PRKAB1: variants seen among roughly 807,000 people sequenced by gnomAD.
PRKAB1 encodes 5'-AMP-activated protein kinase subunit beta-1.
PRKAB1 carries 18 observed loss-of-function variants against 32.0 expected under a neutral mutation model. The observed-to-expected ratio is 0.56, with a 90% CI of 0.39 to 0.83. The LOEUF (loss-of-function observed/expected upper bound fraction) is 0.83, where lower values mean the gene tolerates loss of function less well. PRKAB1 is among the 40% of genes least tolerant of loss of function. PRKAB1 has a pLI of 0.00. For synonymous variants in PRKAB1, 141 were observed against 141.4 expected (o/e 1.00, Z 0.02); for missense variants, 263 against 352.6 (o/e 0.75, Z 2.03).
At chr12:119,668,457 A>G in intron 1 of PRKAB1, 54 bp downstream of exon 1, 3 of 1,583,150 alleles carry the variant, frequency 1.9e-6, no homozygotes, top group Non-Finnish European at 2.6e-6. Context: ...GAGGAGAGGA[A>G]CCCTCCACTA....
upstream of PRKAB1, chr12:119,668,014 C>A: frequency 1.9e-6 from 1 of 525,880 alleles, no homozygotes; most frequent in East Asian, 3.5e-5. Context: ...TCTTCGCGCC[C>A]CTTGCGTTCT....
intron 4 of PRKAB1, 99 bp from the exon 5 acceptor site, chr12:119,676,438 G>T (rs1167088703): frequency 2.1e-5 from 29 of 1,367,340 alleles, no homozygotes; most frequent in Non-Finnish European, 2.8e-5. Flanking sequence ...TGCATTGAGG[G>T]AACAAGAGAC....
chr12:119,669,993 G>A (rs1305342726), intron 1 of PRKAB1: 4 of 152,236 alleles, frequency 2.6e-5, no homozygotes, highest in Non-Finnish European at 5.9e-5. Context: ...CTCTAGTGTT[G>A]TTTAAATATG....
chr12:119,674,498 C>A lies in PRKAB1; in HGVS notation c.532+44C>A. 3 of 1,404,216 alleles carry A rather than the reference C, an allele frequency of 2.1e-6. No homozygotes were observed. Among genetic ancestry groups the A allele is most frequent in the East Asian group, 2.3e-5 (1 of 43,794 alleles). The allele number at this position is 1,404,216 out of a possible 1,614,324, so 87.0% of individuals were successfully genotyped here. On this transcript the variant is annotated intron_variant, in intron 4 of 6. Coordinates refer to ENST00000229328, the MANE Select transcript of PRKAB1 (RefSeq NM_006253.5). The surrounding 1 kb of genome is among the most constrained non-coding windows in gnomAD (Gnocchi z 4.3). The stretch of plus-strand genomic sequence containing the variant: ...TATACCACATGCGTGCAGGTGGGGG[C>A]TGTACAGTCTAGACATACTCTTGTT...
At chr12:119,672,247 G>A in intron 1 of PRKAB1, 54 bp from the exon 2 acceptor site, 2 of 1,434,022 alleles carry the variant, frequency 1.4e-6, no homozygotes, top group South Asian at 2.9e-5. Flanking sequence ...TGTCAATATT[G>A]TCTGTTGTAG....
intron 5 of PRKAB1, chr12:119,678,013 C>A (rs1018975771): frequency 6.6e-6 from 1 of 152,202 alleles, no homozygotes; most frequent in Non-Finnish European, 1.5e-5. Flanking sequence ...ATCCACCCGC[C>A]TCGGCCTCCC....
chr12:119,670,147 G>A (rs1018095938), intron 1 of PRKAB1, among the ~76,000 whole-genome samples: 1 of 152,132 alleles, frequency 6.6e-6, no homozygotes, highest in African/African-American at 2.4e-5. Context: ...CCAGCCGCAG[G>A]GCTCAGTCCA....
At position 119,679,648 on chromosome 12, in the gene PRKAB1, A is replaced by G. The variant is rs984998560; in HGVS notation, c.667-285A>G. On this transcript the variant is annotated intron_variant, in intron 5 of 6. Coordinates refer to ENST00000229328, the MANE Select transcript of PRKAB1 (RefSeq NM_006253.5). This position sits in a 1 kb window ranked among gnomAD's most constrained non-coding sequence, Gnocchi z 4.1. ...GCTTTCTTCCTGCCCCACCCTCCAT[A>G]AGAGGACAGGGCCGTGGCCCACACT... 2 of 443,800 alleles carry G rather than the reference A, an allele frequency of 4.5e-6. No homozygotes were observed. The highest frequency in any genetic ancestry group is 2.0e-5 in the African/African-American group (1 of 49,878). 27.5% of individuals were successfully genotyped at this position (443,800 alleles called of 1,614,324 possible). A position where few individuals can be genotyped will look rare whatever the true frequency, so the allele number is the denominator to read the frequency against.
chr12:119,676,472 A>G lies in PRKAB1; in HGVS notation c.533-65A>G, dbSNP rs550489739. Reference sequence around the variant, plus strand: ...ACAAGGAAAATGAGATGATGACAACATAAGTAAGGCTGCTCCTAGAATGCC... The same window carrying G: ...ACAAGGAAAATGAGATGATGACAACGTAAGTAAGGCTGCTCCTAGAATGCC... On this transcript the variant is annotated intron_variant, in intron 4 of 6. Coordinates refer to ENST00000229328, the MANE Select transcript of PRKAB1 (RefSeq NM_006253.5). The G allele has an allele frequency of 3.7e-5, 55 of 1,471,078 alleles. No homozygotes were observed. In the East Asian group the frequency reaches 9.5e-4, roughly 25 times the overall value. 91.1% of individuals were successfully genotyped at this position (1,471,078 alleles called of 1,614,324 possible).
chr12:119,677,807 C>G (rs1307049311), intron 5 of PRKAB1: 1 of 145,642 alleles, frequency 6.9e-6, no homozygotes, highest in Non-Finnish European at 1.5e-5. Context: ...CTCTGTTGCC[C>G]AGGCTGGAGT....
At position 119,675,589 on chromosome 12, in the gene PRKAB1, C is replaced by A. The variant is rs546344035; in HGVS notation, c.533-948C>A. Among the ~76,000 whole-genome samples the A allele has an allele frequency of 1.8e-4, 27 of 152,212 alleles. No individual in the cohort carries two copies. In the East Asian group the frequency reaches 4.6e-3, roughly 26 times the overall value. ...TTCCACCTAGGGAAAGGAAACGGAC[C>A]CCTCACTGATACGAAGCTAATTCCA... On this transcript the variant is annotated intron_variant, in intron 4 of 6. Transcript: ENST00000229328.
At chr12:119,675,795 A>G (rs1486797193) in intron 4 of PRKAB1, among the ~76,000 whole-genome samples, 1 of 152,220 alleles carries the variant, frequency 6.6e-6, no homozygotes, top group Non-Finnish European at 1.5e-5. Context: ...GGGGCATAGC[A>G]GATTTTCCCT....
chr12:119,678,641 C>T (rs545153327), intron 5 of PRKAB1: 3 of 152,352 alleles, frequency 2.0e-5, no homozygotes, highest in South Asian at 4.1e-4. Context: ...GTGCCTGGCT[C>T]ATTTCACTTA....
In PRKAB1 at chr12:119,668,729, C is replaced by T. The variant is rs1206190441; in HGVS notation, c.159+326C>T. On this transcript the variant is annotated intron_variant, in intron 1 of 6. Coordinates refer to ENST00000229328, the MANE Select transcript of PRKAB1 (RefSeq NM_006253.5). ...GCTAACAGTAATTGAGCCCCAGCTT[C>T]TGCTTTTCTCTTAGGTGTAATTAAT... is the stretch of plus-strand genomic sequence containing the variant. Among the ~76,000 whole-genome samples the T allele has an allele frequency of 2.0e-5, 3 of 152,228 alleles. No homozygotes were observed. The East Asian group carries it at 5.8e-4, about 29-fold the overall frequency.
chr12:119,680,383 A>G lies in PRKAB1; in HGVS notation c.*58A>G. Reference sequence around the variant, plus strand: ...GCACACCACCAGGCTCCACACGTGCATGCTTTCCCCAAGAGGGAATGGACT... The same window carrying G: ...GCACACCACCAGGCTCCACACGTGCGTGCTTTCCCCAAGAGGGAATGGACT... On this transcript the variant is annotated 3_prime_UTR_variant, in exon 7 of 7. Transcript: ENST00000229328. 1 of 1,498,104 alleles carries G rather than the reference A, an allele frequency of 6.7e-7. No individual in the cohort carries two copies. The highest frequency in any genetic ancestry group is 9.3e-7 in the Non-Finnish European group (1 of 1,077,450). The allele number at this position is 1,498,104 out of a possible 1,614,324, so 92.8% of individuals were successfully genotyped here. A position where few individuals can be genotyped will look rare whatever the true frequency, so the allele number is the denominator to read the frequency against.
rs1030545578 is a variant in PRKAB1, at chr12:119,676,589, A to G, written c.585A>G (p.Lys195=). 1 of 1,613,590 alleles carries G rather than the reference A, an allele frequency of 6.2e-7. No individual in the cohort carries two copies. The highest frequency in any genetic ancestry group is 1.7e-5 in the Admixed American group (1 of 59,982). Residue 195 remains lysine, a synonymous_variant, in exon 5 of 7, where the codon AAA becomes AAG. Coordinates refer to ENST00000229328, the MANE Select transcript of PRKAB1 (RefSeq NM_006253.5). ...GPYHQEPYVC[K]PEERFRAPPI... ...ACCATCAGGAGCCCTACGTCTGCAA[A>G]CCCGAAGAGCGCTTTCGGGCACCCC...
In PRKAB1 at chr12:119,681,042, T is replaced by C. The variant is rs985949704; in HGVS notation, c.*717T>C. Reference sequence around the variant, plus strand: ...TGAACTCTGCTCAGCAATAATCTGTTCTCAGAACAGACTTTTCAACCTGCT... The same window carrying C: ...TGAACTCTGCTCAGCAATAATCTGTCCTCAGAACAGACTTTTCAACCTGCT... On this transcript the variant is annotated 3_prime_UTR_variant, in exon 7 of 7. Transcript: ENST00000229328. 1.3e-5 allele frequency: 2 copies of C among 152,594 alleles called. No individual in the cohort carries two copies. The highest frequency in any genetic ancestry group is 2.4e-5 in the African/African-American group (1 of 41,460). 9.5% of individuals were successfully genotyped at this position (152,594 alleles called of 1,614,324 possible).
intron 6 of PRKAB1, 113 bp downstream of exon 6, chr12:119,680,114 G>A (rs2136861808): frequency 6.7e-7 from 1 of 1,489,980 alleles, no homozygotes; most frequent in Non-Finnish European, 9.3e-7. Flanking sequence ...CCAGGGTCTG[G>A]CACAGGCCAT....
chr12:119,680,499 C>T lies in PRKAB1; in HGVS notation c.*174C>T, dbSNP rs1955457098. ...TGTCCAGGCAGAGCAGCTCCTGCAG[C>T]GCCTCGGTCTGTGACAGTCCTCCTA... On this transcript the variant is annotated 3_prime_UTR_variant, in exon 7 of 7. Coordinates refer to ENST00000229328, the MANE Select transcript of PRKAB1 (RefSeq NM_006253.5). 5 of 670,076 alleles carry T rather than the reference C, an allele frequency of 7.5e-6. No homozygotes were observed. The highest frequency in any genetic ancestry group is 5.6e-5 in the South Asian group (3 of 53,668). 41.5% of individuals were successfully genotyped at this position (670,076 alleles called of 1,614,324 possible). A position where few individuals can be genotyped will look rare whatever the true frequency, so the allele number is the denominator to read the frequency against.
Sources: allele counts gnomAD v4.1 joint callset (sites outside exome capture counted in the v4.1 genomes callset), GRCh38; gene constraint gnomAD v4.1.1; non-coding constraint Gnocchi (gnomAD v3.1); transcripts MANE v1.5; gene names NCBI Gene and HGNC (gene_info 2026-07-23, HGNC 2026-07-21).